UTY: variants seen among roughly 807,000 people sequenced by gnomAD.
UTY encodes ubiquitously transcribed tetratricopeptide repeat containing, Y-linked.
A neutral mutation model predicts 32.5 loss-of-function variants in UTY; 12 were observed. The observed-to-expected ratio is 0.37, with a 90% CI of 0.24 to 0.60. The LOEUF (loss-of-function observed/expected upper bound fraction) is 0.60, where lower values mean the gene tolerates loss of function less well. Ranked by LOEUF, UTY falls within the 20% of genes least tolerant of loss-of-function variation. UTY has a pLI of 0.69. For missense variants in UTY, 303 were observed against 299.2 expected (o/e 1.01, Z -0.09); for synonymous variants, 131 against 103.4 (o/e 1.27, Z -1.62).
chrY:13,427,766 T>C (rs2073491480), intron 4 of UTY, among the ~76,000 whole-genome samples: 1 of 33,897 alleles, frequency 3.0e-5, no homozygotes, highest in Non-Finnish European at 7.4e-5. Flanking sequence ...GGATAGATCA[T>C]TCAAACAGAA....
At chrY:13,377,968 C>T (rs2065566375) in intron 8 of UTY, among the ~76,000 whole-genome samples, 1 of 31,997 alleles carries the variant, frequency 3.1e-5, no homozygotes, top group African/African-American at 1.2e-4. Context: ...TGATAAAAAT[C>T]GAGTTCTTCA....
intron 4 of UTY, among the ~76,000 whole-genome samples, chrY:13,430,084 C>T: frequency 2.9e-5 from 1 of 34,020 alleles, no homozygotes; most frequent in Admixed American, 2.6e-4. Flanking sequence ...TAACTTATAA[C>T]ATTATCATTT....
chrY:13,293,620 G>A, intron 27 of UTY, among the ~76,000 whole-genome samples: 2 of 33,407 alleles, frequency 6.0e-5, no homozygotes, highest in Admixed American at 5.5e-4. Context: ...CCTGGCCATG[G>A]TGTTCAAATT....
intron 18 of UTY, 58 bp downstream of exon 18, chrY:13,335,505 G>C: frequency 1.4e-5 from 5 of 348,862 alleles, no homozygotes; most frequent in Non-Finnish European, 2.1e-5. Flanking sequence ...CATTTTATTT[G>C]TCTCATCTGG....
At chrY:13,446,582 A>ATAGATAGATAGG (rs2075815102) in intron 4 of UTY, among the ~76,000 whole-genome samples, 2 of 21,933 alleles carry the variant, frequency 9.1e-5, no homozygotes, top group African/African-American at 1.7e-4. Context: ...AGATAGATAG[A>ATAGATAGATAGG]TAGATAGATA....
intron 18 of UTY, among the ~76,000 whole-genome samples, chrY:13,332,136 G>C: frequency 3.0e-5 from 1 of 33,593 alleles, no homozygotes; most frequent in Non-Finnish European, 7.4e-5. Flanking sequence ...AAAAGGCCAA[G>C]GGCCAGGATT....
At chrY:13,397,740 T>C (rs769609390) in intron 6 of UTY, among the ~76,000 whole-genome samples, 1 of 33,856 alleles carries the variant, frequency 3.0e-5, no homozygotes, top group South Asian at 6.3e-4. Flanking sequence ...CTATGCAGAA[T>C]GCAAACCAAC....
chrY:13,355,962 C>A lies in UTY; in HGVS notation c.1626G>T (p.Gln542His). 7.6e-6 allele frequency: 3 copies of A among 392,999 alleles called. No homozygotes were observed. The highest frequency in any genetic ancestry group is 3.1e-5 in the South Asian group (1 of 32,498). Residue 542 changes from glutamine (Q) to histidine (H), a missense_variant, in exon 16 of 30, where the codon CAG (glutamine) becomes CAT (histidine). Transcript: ENST00000545955. ...RDNLNPAQKH[Q>H]LEQLESQFVL... ...CAAACTGACTTTCTAACTGTTCCAG[C>A]TGATGCTTCTGTGCTGGATTTAAAT...
Position 13,414,804 on chromosome Y carries a change from A to G in UTY, c.376-11T>C. ...TAAAAACGCAGCATTCTGTTAATAT[A>G]AAACACAAAACAACCTTTATAACAG... On this transcript the variant is annotated splice_polypyrimidine_tract_variant and intron_variant, in intron 4 of 29. Coordinates refer to ENST00000545955, the MANE Select transcript of UTY (RefSeq NM_001258249.2). 5 of 369,032 alleles carry G rather than the reference A, an allele frequency of 1.4e-5. No homozygotes were observed. Among genetic ancestry groups the G allele is most frequent in the South Asian group, 3.4e-5 (1 of 29,417 alleles). 92.1% of individuals were successfully genotyped at this position (369,032 alleles called of 400,897 possible).
At chrY:13,283,802 T>C (rs1034629192) in intron 27 of UTY, among the ~76,000 whole-genome samples, 2 of 33,668 alleles carry the variant, frequency 5.9e-5, no homozygotes, top group Non-Finnish European at 1.5e-4. Context: ...CTATATCAAT[T>C]CTAAGTTAAT....
intron 5 of UTY, among the ~76,000 whole-genome samples, chrY:13,413,766 C>T: frequency 2.9e-5 from 1 of 34,760 alleles, no homozygotes; most frequent in Admixed American, 2.5e-4. Context: ...CCCAACCTGC[C>T]GGCACACCTG....
chrY:13,295,783 C>G (rs2057994476), intron 27 of UTY, among the ~76,000 whole-genome samples: 1 of 34,064 alleles, frequency 2.9e-5, no homozygotes, highest in Non-Finnish European at 7.3e-5. Context: ...CACATTGAGT[C>G]TTCAAGCTTC....
At position 13,340,879 on chromosome Y, in the gene UTY, G is replaced by A. The variant is rs532985282; in HGVS notation, c.2062-4544C>T. 6.6e-3 allele frequency among the ~76,000 whole-genome samples: 221 copies of A among 33,646 alleles called. No homozygotes were observed. The Middle Eastern group carries it at 0.22, about 33-fold the overall frequency. The allele number at this position is 33,646 out of a possible 37,273, so 90.3% of individuals were successfully genotyped here. On this transcript the variant is annotated intron_variant, in intron 17 of 29. Coordinates refer to ENST00000545955, the MANE Select transcript of UTY (RefSeq NM_001258249.2). ...GTGGCTGGAGAACAATGCGACCGCA[G>A]GCACAGGAGATATCAGGCTGTATGC...
Position 13,355,359 on chromosome Y carries a change from T to G in UTY, c.1705A>C (p.Ile569Leu). The change falls in exon 17 of 30, where the codon ATT (isoleucine) becomes CTT (leucine). Residue 569 changes from isoleucine to leucine, a missense_variant. Physicochemically the swap from Ile to Leu is conservative, Grantham distance 5. Coordinates refer to ENST00000545955, the MANE Select transcript of UTY (RefSeq NM_001258249.2). Reference protein sequence around the residue: ...KEVAQVRTTGIHNGAITDSSL... With the variant: ...KEVAQVRTTGLHNGAITDSSL... The stretch of plus-strand genomic sequence containing the variant: ...GAATCAGTTATGGCCCCGTTATGAA[T>G]TCCAGTAGTTCGTACCTGAGCAACT... 1.0e-5 allele frequency: 4 copies of G among 398,634 alleles called. No individual in the cohort carries two copies. The highest frequency in any genetic ancestry group is 1.4e-5 in the Non-Finnish European group (4 of 283,467).
rs2061027998 is a variant in UTY, at chrY:13,335,752, A to T, written c.2645T>A (p.Ile882Lys). Residue 882 changes from isoleucine to lysine, a missense_variant, in exon 18 of 30, where the codon ATA becomes AAA. Ile to Lys is a moderately radical substitution (Grantham distance 102, BLOSUM62 -3). Transcript: ENST00000545955. Reference sequence around the variant, plus strand: ...ACTGTTAAGGCTGGTAACACTGTTTATGCTTCTCTGCTCAGTGGATTTAGG... The same window carrying T: ...ACTGTTAAGGCTGGTAACACTGTTTTTGCTTCTCTGCTCAGTGGATTTAGG... ...PSPKSTEQRS[I>K]NSVTSLNSPH... is the part of the protein sequence containing the mutation. The T allele has an allele frequency of 7.6e-6, 3 of 397,336 alleles. No individual in the cohort carries two copies. The highest frequency in any genetic ancestry group is 1.1e-5 in the Non-Finnish European group (3 of 283,352).
chrY:13,453,424 A>T lies in UTY; in HGVS notation c.326-4358T>A. 1.2e-4 allele frequency among the ~76,000 whole-genome samples: 4 copies of T among 34,768 alleles called. No individual in the cohort carries two copies. In the South Asian group the frequency reaches 2.5e-3, roughly 22 times the overall value. The allele number at this position is 34,768 out of a possible 37,273, so 93.3% of individuals were successfully genotyped here. On this transcript the variant is annotated intron_variant, in intron 3 of 29. Coordinates refer to ENST00000545955, the MANE Select transcript of UTY (RefSeq NM_001258249.2). ...CAAAAGCATGAGCAACTAAAGATGAACTGAACTTGATCTAAATTAGAAACT... is the reference window on the plus strand; with the variant it reads ...CAAAAGCATGAGCAACTAAAGATGATCTGAACTTGATCTAAATTAGAAACT...
chrY:13,366,796 A>G (rs2064205893), intron 9 of UTY, among the ~76,000 whole-genome samples: 2 of 34,813 alleles, frequency 5.7e-5, no homozygotes, highest in South Asian at 1.2e-3. Context: ...TTACATCCAA[A>G]GAATAAAAAA....
chrY:13,345,966 C>T (rs986629033), intron 17 of UTY, among the ~76,000 whole-genome samples: 2 of 33,081 alleles, frequency 6.0e-5, no homozygotes, highest in Non-Finnish European at 7.4e-5. Context: ...CATTTTGATG[C>T]CTGCCAAGCT....
chrY:13,262,050 A>G, intron 27 of UTY, among the ~76,000 whole-genome samples: 2 of 33,612 alleles, frequency 6.0e-5, no homozygotes, highest in South Asian at 6.5e-4. Context: ...ATATTACTGC[A>G]TATGTTTTCA....
Sources: gnomAD v4.1 joint callset for allele counts (sites outside exome capture counted in the v4.1 genomes callset) on GRCh38, gnomAD v4.1.1 for gene constraint, MANE v1.5 for transcripts, NCBI Gene and HGNC (gene_info 2026-07-23, HGNC 2026-07-21) for gene names.